TARBP1: variants seen among roughly 807,000 people sequenced by gnomAD.
The protein encoded by TARBP1 is tRNA guanosine 2 -O-methyltransferase TARBP1.
In TARBP1, 144 loss-of-function variants were observed where a neutral mutation model predicts 178.6. That is an observed-to-expected ratio of 0.81 (90% CI 0.70 to 0.93). The LOEUF (loss-of-function observed/expected upper bound fraction) is 0.93. Ranked by LOEUF, TARBP1 falls within the 40% of genes least tolerant of loss-of-function variation. The pLI is 0.00. For missense variants in TARBP1, 2,067 were observed against 2,011.7 expected (o/e 1.03, Z -0.53); for synonymous variants, 787 against 781.0 (o/e 1.01, Z -0.13).
chr1:234,447,865 A>C (rs778279908), intron 11 of TARBP1, among the ~76,000 whole-genome samples: 14 of 152,174 alleles, frequency 9.2e-5, no homozygotes, highest in Admixed American at 2.0e-4. Flanking sequence ...CTTATACTGG[A>C]ATCTTGCAAT....
intron 12 of TARBP1, among the ~76,000 whole-genome samples, chr1:234,438,660 T>C (rs773050844): frequency 3.9e-5 from 6 of 152,196 alleles, no homozygotes; most frequent in Non-Finnish European, 5.9e-5. Context: ...ACAACGATCT[T>C]ATTTTTTCAA....
At chr1:234,435,019 G>A (rs1572314251) in intron 13 of TARBP1, among the ~76,000 whole-genome samples, 3 of 152,144 alleles carry the variant, frequency 2.0e-5, no homozygotes, top group South Asian at 2.1e-4. Context: ...AAAAAGAGTC[G>A]CTGACATCTT....
chr1:234,430,559 T>C (rs1308366852), intron 14 of TARBP1, among the ~76,000 whole-genome samples: 1 of 152,218 alleles, frequency 6.6e-6, no homozygotes, highest in Non-Finnish European at 1.5e-5. Flanking sequence ...TCTTTTCATC[T>C]GGTAAACAGG....
chr1:234,461,906 C>T (rs1237975406), intron 6 of TARBP1, among the ~76,000 whole-genome samples: 1 of 152,186 alleles, frequency 6.6e-6, no homozygotes, highest in Non-Finnish European at 1.5e-5. Flanking sequence ...GAATGACTTT[C>T]AAGAAATCCT....
chr1:234,419,843 C>T (rs1312568190), intron 21 of TARBP1, among the ~76,000 whole-genome samples: 1 of 151,592 alleles, frequency 6.6e-6, no homozygotes, highest in African/African-American at 2.4e-5. Flanking sequence ...TTAAATTATT[C>T]CAAATTGTTT....
At chr1:234,478,087 G>A (rs567862074) in intron 1 of TARBP1, 86 bp downstream of exon 1, 12 of 1,358,778 alleles carry the variant, frequency 8.8e-6, no homozygotes, top group East Asian at 2.7e-5. Flanking sequence ...TGACGACCCC[G>A]ATAAGCTAGT....
At chr1:234,437,726 T>G (rs1665174035) in intron 12 of TARBP1, among the ~76,000 whole-genome samples, 1 of 152,216 alleles carries the variant, frequency 6.6e-6, no homozygotes, top group South Asian at 2.1e-4. Flanking sequence ...TTACTAATGT[T>G]TCTCCCTCTG....
intron 20 of TARBP1, 44 bp from the exon 21 acceptor site, chr1:234,420,856 A>C (rs1438634095): frequency 6.8e-6 from 8 of 1,170,938 alleles, no homozygotes; most frequent in Non-Finnish European, 1.0e-5. Context: ...TTATCTATTG[A>C]ATTTGTGATT....
chr1:234,415,838 G>C (rs1306964538), intron 22 of TARBP1, among the ~76,000 whole-genome samples: 1 of 152,134 alleles, frequency 6.6e-6, no homozygotes, highest in East Asian at 1.9e-4. Flanking sequence ...AGCCTCCCCT[G>C]TTCCTGCCAA....
intron 20 of TARBP1, among the ~76,000 whole-genome samples, chr1:234,423,342 T>C (rs1160948453): frequency 6.6e-6 from 1 of 152,180 alleles, no homozygotes; most frequent in African/African-American, 2.4e-5. Context: ...CCCTCTCTAC[T>C]GCACCACTTC....
At chr1:234,445,630 A>T (rs1046272809) in intron 12 of TARBP1, among the ~76,000 whole-genome samples, 6 of 152,178 alleles carry the variant, frequency 3.9e-5, no homozygotes, top group Admixed American at 2.6e-4. Context: ...TAGTTAAAAA[A>T]ATATCTTCTT....
chr1:234,444,339 G>A (rs1423510258), intron 12 of TARBP1, among the ~76,000 whole-genome samples: 1 of 152,140 alleles, frequency 6.6e-6, no homozygotes, highest in Non-Finnish European at 1.5e-5. Context: ...GTAACTAAAA[G>A]TATGTTTCCT....
In TARBP1 at chr1:234,430,152, A is replaced by G; in HGVS notation, c.2544T>C (p.Asn848=). ...CTGCGTGGGGCTTCTGCAGCGTCTG[A>G]TTGAGCTGAAGAGAGGAAAGGAAGC... ...LESFLSSLQL[N]QTLQKPHAEE... Residue 848 remains asparagine (N), a synonymous_variant, in exon 15 of 30, where the codon AAT becomes AAC. Coordinates refer to ENST00000040877, the MANE Select transcript of TARBP1 (RefSeq NM_005646.4). 1 of 1,614,154 alleles carries G rather than the reference A, an allele frequency of 6.2e-7. No individual in the cohort carries two copies. Among genetic ancestry groups the G allele is most frequent in the Non-Finnish European group, 8.5e-7 (1 of 1,180,002 alleles).
intron 11 of TARBP1, among the ~76,000 whole-genome samples, chr1:234,447,394 C>CTTTTTTTTTTTTTTTTTT (rs36066908): frequency 9.6e-6 from 1 of 104,626 alleles, no homozygotes; most frequent in Non-Finnish European, 1.8e-5. Context: ...TGTTAACCAA[C>CTTTTTTTTTTTTTTTTTT]TTTTTTTTTT....
Position 234,457,769 on chromosome 1 carries a change from G to A in TARBP1, c.1633-13C>T, listed in dbSNP as rs1470536516. 5 of 1,592,366 alleles carry A rather than the reference G, an allele frequency of 3.1e-6. No homozygotes were observed. The highest frequency in any genetic ancestry group is 4.3e-6 in the Non-Finnish European group (5 of 1,169,168). Reference sequence around the variant, plus strand: ...GTGACACTTTCTCCTGGGCAGGGCAGGAAAGGTTTTAAAAATTACTCGTAT... The same window carrying A: ...GTGACACTTTCTCCTGGGCAGGGCAAGAAAGGTTTTAAAAATTACTCGTAT... On this transcript the variant is annotated splice_polypyrimidine_tract_variant and intron_variant, in intron 8 of 29. Transcript: ENST00000040877.
At chr1:234,446,673 A>AATATATAATTATATAATTTCTTT in intron 12 of TARBP1, 130 bp downstream of exon 12, 2 of 336,204 alleles carry the variant, frequency 5.9e-6, no homozygotes, top group Non-Finnish European at 9.0e-6. Context: ...ATAATTTCTT[A>AATATATAATTATATAATTTCTTT]AATATATATA....
In TARBP1 at chr1:234,430,208, G is replaced by A; in HGVS notation, c.2488C>T (p.Leu830=). 1 of 1,614,232 alleles carries A rather than the reference G, an allele frequency of 6.2e-7. No individual in the cohort carries two copies. The highest frequency in any genetic ancestry group is 2.2e-5 in the East Asian group (1 of 44,892). The change falls in exon 15 of 30, where the codon CTG becomes TTG. Residue 830 remains leucine (L), a synonymous_variant. Coordinates refer to ENST00000040877, the MANE Select transcript of TARBP1 (RefSeq NM_005646.4). ...EAIDQKPELQ[L]DSLHAGPLES... ...AGGGGCCCAGCATGGAGAGAGTCCA[G>A]CTGCAGCTCAGGCTTCTGGTCTATG...
chr1:234,472,307 C>T (rs184487673), intron 2 of TARBP1, among the ~76,000 whole-genome samples: 115 of 112,296 alleles, frequency 1.0e-3, no homozygotes, highest in African/African-American at 3.4e-3. Flanking sequence ...CCAGCCTGGG[C>T]GAGAGAGCAA....
At chr1:234,398,312 T>C (rs924639876) in intron 26 of TARBP1, 70 bp downstream of exon 26, 1 of 1,352,176 alleles carries the variant, frequency 7.4e-7, no homozygotes, top group African/African-American at 1.5e-5. Flanking sequence ...TACCTGTCCT[T>C]AGTAACTTAA....
Sources: allele counts gnomAD v4.1 joint callset (sites outside exome capture counted in the v4.1 genomes callset), GRCh38; gene constraint gnomAD v4.1.1; transcripts MANE v1.5; gene names NCBI Gene and HGNC (gene_info 2026-07-23, HGNC 2026-07-21).